Variants in TXNDC16 observed in about 807,000 individuals in gnomAD.
TXNDC16 encodes thioredoxin domain-containing protein 16.
Under a neutral mutation model 85.6 loss-of-function variants are expected in TXNDC16, and 74 were observed. That is an observed-to-expected ratio of 0.86 (90% CI 0.72 to 1.05). TXNDC16 has a LOEUF of 1.05. Ranked by LOEUF, TXNDC16 falls within the 50% of genes least tolerant of loss-of-function variation. The pLI is 0.00. For missense variants in TXNDC16, 959 were observed against 947.0 expected (o/e 1.01, Z -0.17); for synonymous variants, 335 against 326.5 (o/e 1.03, Z -0.28).
rs2034872413 is a variant in TXNDC16 at position 52,430,731 on chromosome 14, G to C, written c.*1573C>G. ...CTTAATTAGCATTTTCTAATAATTAGGCTAATGATGTTTTATTACTACAAC... is the reference window on the plus strand; with the variant it reads ...CTTAATTAGCATTTTCTAATAATTACGCTAATGATGTTTTATTACTACAAC... On this transcript the variant is annotated 3_prime_UTR_variant, in exon 21 of 21. Coordinates refer to ENST00000281741, the MANE Select transcript of TXNDC16 (RefSeq NM_020784.3). 2 of 152,126 alleles carry C rather than the reference G, an allele frequency of 1.3e-5. No homozygotes were observed. Among genetic ancestry groups the C allele is most frequent in the African/African-American group, 4.8e-5 (2 of 41,416 alleles). 9.4% of individuals were successfully genotyped at this position (152,126 alleles called of 1,614,324 possible). A position where few individuals can be genotyped will look rare whatever the true frequency, so the allele number is the denominator to read the frequency against.
intron 4 of TXNDC16, among the ~76,000 whole-genome samples, chr14:52,541,345 A>T (rs1264045832): frequency 6.6e-6 from 1 of 152,162 alleles, no homozygotes; most frequent in East Asian, 1.9e-4. Flanking sequence ...TATTAGCGAC[A>T]GTCTACCAGT....
Position 52,542,400 on chromosome 14 carries a change from G to C in TXNDC16, c.214C>G (p.Leu72Val), listed in dbSNP as rs754922420. ...LEELNEAVRPLQDYGISVAKV... is the reference protein window; with the variant it reads ...LEELNEAVRPVQDYGISVAKV... ...GCAACTGAAATTCCATAGTCCTGCAGAGGTCTAACAGCCTCATTCAGTTCT... is the reference window on the plus strand; with the variant it reads ...GCAACTGAAATTCCATAGTCCTGCACAGGTCTAACAGCCTCATTCAGTTCT... Residue 72 changes from leucine (L) to valine (V), a missense_variant, in exon 4 of 21, where the codon CTG (leucine) becomes GTG (valine). Transcript: ENST00000281741. 4 of 1,612,162 alleles carry C rather than the reference G, an allele frequency of 2.5e-6. No homozygotes were observed.
rs201761395 is a variant in TXNDC16 at position 52,528,831 on chromosome 14, G to GTATATA, written c.392+7882_392+7887dup. ...ATACTGGTATATATATTATACCTAG[G>GTATATA]TATATATATATATATGTGTGTGTGT... On this transcript the variant is annotated intron_variant, in intron 6 of 20. Transcript: ENST00000281741. 5.5e-3 allele frequency among the ~76,000 whole-genome samples: 786 copies of GTATATA among 142,270 alleles called. 1 individual carries two copies. The highest frequency in any genetic ancestry group is 8.3e-3 in the Non-Finnish European group (546 of 65,416). The allele number at this position is 142,270 out of a possible 152,430, so 93.3% of individuals were successfully genotyped here. A position where few individuals can be genotyped will look rare whatever the true frequency, so the allele number is the denominator to read the frequency against.
intron 9 of TXNDC16, among the ~76,000 whole-genome samples, chr14:52,492,834 A>G (rs2036439170): frequency 6.6e-6 from 1 of 152,162 alleles, no homozygotes; most frequent in Admixed American, 6.5e-5. Context: ...CAGTCAGCCA[A>G]AGAGAGTCAG....
intron 12 of TXNDC16, among the ~76,000 whole-genome samples, chr14:52,483,211 A>T (rs189315410): frequency 2.3e-3 from 353 of 152,296 alleles, no homozygotes; most frequent in Non-Finnish European, 3.4e-3. Flanking sequence ...TCTACAAAGA[A>T]TATTAATAGT....
chr14:52,439,343 C>T lies in TXNDC16; in HGVS notation c.2055G>A (p.Leu685=). The T allele has an allele frequency of 1.2e-6, 2 of 1,613,966 alleles. No homozygotes were observed. Among genetic ancestry groups the T allele is most frequent in the Non-Finnish European group, 1.7e-6 (2 of 1,179,948 alleles). Residue 685 remains leucine, a synonymous_variant, in exon 20 of 21, where the codon CTG becomes CTA. Transcript: ENST00000281741. The part of the protein sequence containing the change: ...RGILRAYFDP[L]PPLPLLVLVN... ...CCAAAACAAGAAGAGGAAGGGGAGGCAGAGGATCAAAATATGCCCTCAAGA... is the reference window on the plus strand; with the variant it reads ...CCAAAACAAGAAGAGGAAGGGGAGGTAGAGGATCAAAATATGCCCTCAAGA...
chr14:52,432,126 T>C lies in TXNDC16; in HGVS notation c.*178A>G, dbSNP rs1369169008. On this transcript the variant is annotated 3_prime_UTR_variant, in exon 21 of 21. Transcript: ENST00000281741. ...TAATATCAAAATTATTTTGCCCTGC[T>C]CACTTTTACTTTGTTTAATGTAGTT... is the stretch of plus-strand genomic sequence containing the variant. 2.6e-5 allele frequency: 13 copies of C among 499,934 alleles called. No homozygotes were observed. The East Asian group carries it at 4.2e-4, about 16-fold the overall frequency. The allele number at this position is 499,934 out of a possible 1,614,324, so 31.0% of individuals were successfully genotyped here. A position where few individuals can be genotyped will look rare whatever the true frequency, so the allele number is the denominator to read the frequency against.
Position 52,511,259 on chromosome 14 carries a change from G to A in TXNDC16, c.737C>T (p.Thr246Ile). The A allele has an allele frequency of 6.3e-7, 1 of 1,576,652 alleles. No homozygotes were observed. The highest frequency in any genetic ancestry group is 8.6e-7 in the Non-Finnish European group (1 of 1,157,810). The change falls in exon 9 of 21, where the codon ACA becomes ATA. Residue 246 changes from threonine (T) to isoleucine (I), a missense_variant. Transcript: ENST00000281741. The stretch of plus-strand genomic sequence containing the variant: ...ACATACCAACAGAGGTGCTTTCATT[G>A]TCTTAATAAACAGGTGAATGTTCAG... ...TTLNIHLFIK[T>I]MKAPLLTEVA...
intron 6 of TXNDC16, among the ~76,000 whole-genome samples, chr14:52,531,294 C>G (rs1219296040): frequency 1.3e-5 from 2 of 152,126 alleles, no homozygotes; most frequent in Non-Finnish European, 2.9e-5. Flanking sequence ...TCTTACCATA[C>G]AGTCCAGCAA....
intron 14 of TXNDC16, among the ~76,000 whole-genome samples, chr14:52,474,826 T>G (rs765652793): frequency 6.6e-6 from 1 of 151,590 alleles, no homozygotes; most frequent in Admixed American, 6.6e-5. Context: ...GGTTGGGAAA[T>G]AAAAGGAACG....
chr14:52,432,639 C>T, intron 20 of TXNDC16, 52 bp from the exon 21 acceptor site: 2 of 1,428,196 alleles, frequency 1.4e-6, no homozygotes, highest in Non-Finnish European at 1.9e-6. Context: ...TAAATCGTCA[C>T]ATCAACATAT....
chr14:52,506,633 T>G lies in TXNDC16; in HGVS notation c.756+4607A>C, dbSNP rs1212548551. Among the ~76,000 whole-genome samples, 7 of 132,468 alleles carry G rather than the reference T, an allele frequency of 5.3e-5. 2 individuals are homozygous for G. The East Asian group carries it at 1.9e-3, about 36-fold the overall frequency. 86.9% of individuals were successfully genotyped at this position (132,468 alleles called of 152,430 possible). On this transcript the variant is annotated intron_variant, in intron 9 of 20. Coordinates refer to ENST00000281741, the MANE Select transcript of TXNDC16 (RefSeq NM_020784.3). The stretch of plus-strand genomic sequence containing the variant: ...CTGCAGTGGCGCAATCTCGGCTCAC[T>G]GCAAGCTCCGCTTCCCGGGTTCACG...
At chr14:52,480,977 A>ATATATATATATATG (rs2036135631) in intron 14 of TXNDC16, among the ~76,000 whole-genome samples, 1 of 14,424 alleles carries the variant, frequency 6.9e-5, no homozygotes, top group South Asian at 8.2e-3. Flanking sequence ...ATATATATGT[A>ATATATATATATATG]TATATATATA....
intron 20 of TXNDC16, among the ~76,000 whole-genome samples, chr14:52,437,507 C>A (rs1177801746): frequency 1.3e-5 from 2 of 152,012 alleles, no homozygotes; most frequent in African/African-American, 4.8e-5. Context: ...GCAAAGATTT[C>A]TAAATACCCC....
intron 6 of TXNDC16, among the ~76,000 whole-genome samples, chr14:52,528,903 T>A (rs1356685071): frequency 6.8e-6 from 1 of 147,772 alleles, no homozygotes; most frequent in African/African-American, 2.5e-5. Flanking sequence ...ACCTATTATA[T>A]ATATTATCTA....
At chr14:52,549,465 G>C (rs2038001864) in intron 1 of TXNDC16, among the ~76,000 whole-genome samples, 1 of 152,160 alleles carries the variant, frequency 6.6e-6, no homozygotes, top group Non-Finnish European at 1.5e-5. Flanking sequence ...ACATCAAGGA[G>C]GAAGTACTTC....
intron 7 of TXNDC16, 119 bp downstream of exon 7, chr14:52,519,053 G>A: frequency 2.8e-6 from 3 of 1,059,946 alleles, no homozygotes; most frequent in Non-Finnish European, 1.3e-6. Context: ...TAATAGTAAA[G>A]ATGCTTTAGA....
chr14:52,514,264 G>C (rs2037026218), intron 8 of TXNDC16, among the ~76,000 whole-genome samples: 2 of 152,048 alleles, frequency 1.3e-5, no homozygotes, highest in South Asian at 4.1e-4. Context: ...CAGCAGGAGA[G>C]CTCATTAAAA....
intron 18 of TXNDC16, among the ~76,000 whole-genome samples, chr14:52,451,163 G>A (rs2140111245): frequency 6.6e-6 from 1 of 151,600 alleles, no homozygotes; most frequent in South Asian, 2.1e-4. Flanking sequence ...TATACATTGG[G>A]TACAGTGCAT....
Sources: allele counts gnomAD v4.1 joint callset (sites outside exome capture counted in the v4.1 genomes callset), GRCh38; gene constraint gnomAD v4.1.1; transcripts MANE v1.5; gene names NCBI Gene and HGNC (gene_info 2026-07-23, HGNC 2026-07-21).